Variants in SCFD2 observed in about 807,000 individuals in gnomAD.
SCFD2 encodes sec1 family domain-containing protein 2.
A neutral mutation model predicts 58.9 loss-of-function variants in SCFD2; 54 were observed. The ratio of observed to expected loss-of-function variants is 0.92; its 90% CI spans 0.74 to 1.15. The LOEUF is 1.15. Among genes scored for constraint, SCFD2 ranks in the 50% most tolerant of loss-of-function variants. SCFD2 has a pLI of 0.00. For synonymous variants in SCFD2, 321 were observed against 335.9 expected, an observed-to-expected ratio of 0.96 and a Z score of 0.49; for missense variants, 805 against 836.6, an observed-to-expected ratio of 0.96 and a Z score of 0.47.
intron 5 of SCFD2, among the ~76,000 whole-genome samples, chr4:53,093,035 C>T (rs755259758): frequency 3.3e-5 from 5 of 151,992 alleles, no homozygotes; most frequent in Non-Finnish European, 7.4e-5. Context: ...GTGCACAGTG[C>T]CTTTCAGAGG....
intron 5 of SCFD2, among the ~76,000 whole-genome samples, chr4:53,106,562 G>A (rs555156010): frequency 2.6e-5 from 4 of 152,194 alleles, no homozygotes; most frequent in South Asian, 4.1e-4. Context: ...AGAGAACTTC[G>A]TGAAGCATAC....
At chr4:53,213,658 T>C (rs1262615891) in intron 4 of SCFD2, among the ~76,000 whole-genome samples, 1 of 152,114 alleles carries the variant, frequency 6.6e-6, no homozygotes, top group Non-Finnish European at 1.5e-5. Context: ...TACGGTTCTT[T>C]CATTTATTTA....
chr4:53,280,379 A>G (rs1428419020), intron 3 of SCFD2, among the ~76,000 whole-genome samples: 1 of 152,156 alleles, frequency 6.6e-6, no homozygotes, highest in Non-Finnish European at 1.5e-5. Context: ...AGCCAGGCAT[A>G]GTATCATATG....
chr4:52,908,972 T>A (rs1719416314), intron 6 of SCFD2, among the ~76,000 whole-genome samples: 1 of 152,202 alleles, frequency 6.6e-6, no homozygotes, highest in Non-Finnish European at 1.5e-5. Flanking sequence ...GGATCCACCT[T>A]GCTCATAAAG....
intron 4 of SCFD2, among the ~76,000 whole-genome samples, chr4:53,237,023 T>G (rs1413813197): frequency 6.7e-6 from 1 of 149,510 alleles, no homozygotes; most frequent in Non-Finnish European, 1.5e-5. Flanking sequence ...TACTTGAGAT[T>G]AGGGAGTGGT....
At chr4:53,068,535 T>A (rs1259542793) in intron 5 of SCFD2, among the ~76,000 whole-genome samples, 1 of 152,100 alleles carries the variant, frequency 6.6e-6, no homozygotes, top group Non-Finnish European at 1.5e-5. Context: ...CTTTCAATAC[T>A]TTTTCCTGTG....
chr4:52,882,083 G>A (rs966837701), intron 8 of SCFD2, among the ~76,000 whole-genome samples: 1 of 152,080 alleles, frequency 6.6e-6, no homozygotes, highest in African/African-American at 2.4e-5. Context: ...TTTGGCTTTT[G>A]GTTCCAATCA....
intron 5 of SCFD2, among the ~76,000 whole-genome samples, chr4:53,088,722 G>C (rs1316005476): frequency 1.3e-5 from 2 of 152,106 alleles, no homozygotes; most frequent in Admixed American, 1.3e-4. Context: ...ATTTAGGTGA[G>C]ACTGTGGGTT....
Position 53,145,557 on chromosome 4 carries a change from A to G in SCFD2, c.1337T>C (p.Val446Ala). Residue 446 changes from valine (V) to alanine (A), a missense_variant, in exon 5 of 9, where the codon GTT (valine) becomes GCT (alanine). Physicochemically the swap from Val to Ala is moderately conservative, Grantham distance 64. Coordinates refer to ENST00000401642, the MANE Select transcript of SCFD2 (RefSeq NM_152540.4). ...LQSIGESAMSVVLNQLLPMIK... is the reference protein window; with the variant it reads ...LQSIGESAMSAVLNQLLPMIK... ...CATGGGCAGCAGCTGATTTAACACAACGGACATTGCTGACTCCCCAATGCT... is the reference window on the plus strand; with the variant it reads ...CATGGGCAGCAGCTGATTTAACACAGCGGACATTGCTGACTCCCCAATGCT... The G allele has an allele frequency of 6.2e-7, 1 of 1,614,130 alleles. No individual in the cohort carries two copies. Among genetic ancestry groups the G allele is most frequent in the Non-Finnish European group, 8.5e-7 (1 of 1,179,996 alleles).
chr4:52,993,405 TAAAAAAATA>T (rs1396213371), intron 5 of SCFD2, among the ~76,000 whole-genome samples: 2 of 70,802 alleles, frequency 2.8e-5, no homozygotes, highest in Admixed American at 2.0e-4. Context: ...ACTAAAAAAA[TAAAAAAATA>T]AAAAAAGTAT....
intron 4 of SCFD2, among the ~76,000 whole-genome samples, chr4:53,214,925 C>T (rs1728763004): frequency 6.6e-6 from 1 of 152,174 alleles, no homozygotes; most frequent in African/African-American, 2.4e-5. Context: ...TTCTGCATTG[C>T]TTGTTTTTGT....
At chr4:53,333,051 G>T (rs1338369742) in intron 2 of SCFD2, among the ~76,000 whole-genome samples, 4 of 143,190 alleles carry the variant, frequency 2.8e-5, no homozygotes, top group African/African-American at 1.0e-4. Context: ...GGGATGTGAA[G>T]GACCTCTTCA....
chr4:53,267,342 G>A (rs1297671725), intron 4 of SCFD2, among the ~76,000 whole-genome samples: 8 of 152,102 alleles, frequency 5.3e-5, no homozygotes, highest in Non-Finnish European at 2.9e-5. Flanking sequence ...AGGGGCAGCT[G>A]CCCATATATT....
At chr4:53,079,532 AAT>A (rs1417859469) in intron 5 of SCFD2, among the ~76,000 whole-genome samples, 12 of 152,098 alleles carry the variant, frequency 7.9e-5, no homozygotes, top group Non-Finnish European at 1.8e-4. Context: ...TGGATCCAAA[AAT>A]TTTTTTTATA....
At chr4:53,114,889 G>C (rs903106139) in intron 5 of SCFD2, among the ~76,000 whole-genome samples, 4 of 152,070 alleles carry the variant, frequency 2.6e-5, no homozygotes, top group African/African-American at 9.7e-5. Flanking sequence ...ATGTTTCCAT[G>C]TTCCACTTGA....
At chr4:53,271,374 CATAA>C (rs796629746) in intron 4 of SCFD2, among the ~76,000 whole-genome samples, 14 of 151,930 alleles carry the variant, frequency 9.2e-5, no homozygotes, top group African/African-American at 2.9e-4. Flanking sequence ...GTATAGATTG[CATAA>C]ATAAATTGTA....
chr4:52,935,298 T>C (rs1439452302), intron 5 of SCFD2, among the ~76,000 whole-genome samples: 1 of 152,222 alleles, frequency 6.6e-6, no homozygotes, highest in Non-Finnish European at 1.5e-5. Context: ...TGCTTCTGTT[T>C]TGATTTTTAA....
At chr4:53,067,378 T>C (rs1308413272) in intron 5 of SCFD2, among the ~76,000 whole-genome samples, 1 of 151,988 alleles carries the variant, frequency 6.6e-6, no homozygotes, top group Non-Finnish European at 1.5e-5. Context: ...GGGGTCAAGA[T>C]CACACCAAAA....
chr4:53,320,158 C>G (rs140767135), intron 2 of SCFD2, among the ~76,000 whole-genome samples: 1 of 152,332 alleles, frequency 6.6e-6, no homozygotes, highest in African/African-American at 2.4e-5. Context: ...TGAGATAAAA[C>G]AGTTTACCCA....
Sources: allele counts gnomAD v4.1 joint callset (sites outside exome capture counted in the v4.1 genomes callset), GRCh38; gene constraint gnomAD v4.1.1; transcripts MANE v1.5; gene names NCBI Gene and HGNC (gene_info 2026-07-23, HGNC 2026-07-21).